ANKRD36B: variants seen among roughly 807,000 people sequenced by gnomAD.
ANKRD36B encodes ankyrin repeat domain-containing protein 36B.
Under a neutral mutation model 135.7 loss-of-function variants are expected in ANKRD36B, and 37 were observed. That is an observed-to-expected ratio of 0.27 (90% CI 0.21 to 0.36). ANKRD36B has a LOEUF of 0.36. ANKRD36B is among the 10% of genes least tolerant of loss of function. The pLI is 1.00. For missense variants in ANKRD36B, 549 were observed against 1,037.1 expected (o/e 0.53, Z 6.46); for synonymous variants, 179 against 348.1 (o/e 0.51, Z 5.41).
chr2:97,565,921 A>G (rs562775323), intron 6 of ANKRD36B, among the ~76,000 whole-genome samples: 320 of 151,796 alleles, frequency 2.1e-3, no homozygotes, highest in Non-Finnish European at 3.4e-3. Context: ...GCTTGTTCCT[A>G]TAATCTCAGC....
At chr2:97,579,832 A>G (rs1294847507) in intron 4 of ANKRD36B, among the ~76,000 whole-genome samples, 1 of 152,080 alleles carries the variant, frequency 6.6e-6, no homozygotes, top group Non-Finnish European at 1.5e-5. Context: ...CATTATATAT[A>G]TATAATGTTA....
chr2:97,564,942 G>T (rs1231860847), intron 6 of ANKRD36B, among the ~76,000 whole-genome samples: 1 of 152,040 alleles, frequency 6.6e-6, no homozygotes, highest in Non-Finnish European at 1.5e-5. Context: ...GTATAGCATT[G>T]AACCTACAAA....
At chr2:97,535,891 G>A (rs1259298877) in intron 34 of ANKRD36B, among the ~76,000 whole-genome samples, 2 of 92,102 alleles carry the variant, frequency 2.2e-5, no homozygotes, top group African/African-American at 6.4e-5. Context: ...CATGGAGAAA[G>A]CCTGTCTCTA....
intron 1 of ANKRD36B, among the ~76,000 whole-genome samples, chr2:97,587,668 C>T (rs981949384): frequency 5.9e-5 from 9 of 152,206 alleles, no homozygotes; most frequent in Non-Finnish European, 7.4e-5. Flanking sequence ...TTTAGTATAA[C>T]GGAATTGATG....
intron 16 of ANKRD36B, among the ~76,000 whole-genome samples, chr2:97,551,734 T>G (rs1359892944): frequency 6.6e-6 from 1 of 151,908 alleles, no homozygotes; most frequent in African/African-American, 2.4e-5. Flanking sequence ...AAATCAAAGG[T>G]TGTCAACATC....
In ANKRD36B at chr2:97,538,518, G is replaced by T. The variant is rs1377414210; in HGVS notation, c.1988-155C>A. 7.2e-5 allele frequency among the ~76,000 whole-genome samples: 7 copies of T among 96,594 alleles called. 2 individuals carry two copies. Among genetic ancestry groups the T allele is most frequent in the Non-Finnish European group, 1.7e-4 (6 of 36,344 alleles). 63.4% of individuals were successfully genotyped at this position (96,594 alleles called of 152,430 possible). A position where few individuals can be genotyped will look rare whatever the true frequency, so the allele number is the denominator to read the frequency against. The stretch of plus-strand genomic sequence containing the variant: ...TGTGTCTTTGGGACAGGAACATGAG[G>T]AAATATGCTGAAGAAAATAGGAATA... On this transcript the variant is annotated intron_variant, in intron 30 of 43. Transcript: ENST00000359901.
rs751045818 is a variant in ANKRD36B, at chr2:97,545,174, T to A, written c.1681+492A>T. Among the ~76,000 whole-genome samples, 178 of 95,764 alleles carry A rather than the reference T, an allele frequency of 1.9e-3. 59 individuals carry two copies. Among genetic ancestry groups the A allele is most frequent in the Non-Finnish European group, 7.3e-4 (26 of 35,696 alleles). The allele number at this position is 95,764 out of a possible 152,430, so 62.8% of individuals were successfully genotyped here. A position where few individuals can be genotyped will look rare whatever the true frequency, so the allele number is the denominator to read the frequency against. ...AGAAATCCCAAATTACATAAATAAC[T>A]TCTTCTTTTCTCTCCTTCCTGACTC... On this transcript the variant is annotated intron_variant, in intron 24 of 43. Coordinates refer to ENST00000359901, the MANE Select transcript of ANKRD36B (RefSeq NM_001393939.1).
At chr2:97,530,179 A>G (rs1180008997) in intron 35 of ANKRD36B, among the ~76,000 whole-genome samples, 1 of 96,304 alleles carries the variant, frequency 1.0e-5, no homozygotes, top group Non-Finnish European at 2.8e-5. Flanking sequence ...AGTAACCAAA[A>G]CAGCATGGTA....
At chr2:97,542,931 T>C (rs2104546652) in intron 26 of ANKRD36B, among the ~76,000 whole-genome samples, 1 of 132,762 alleles carries the variant, frequency 7.5e-6, no homozygotes, top group Middle Eastern at 4.5e-3. Flanking sequence ...AGTTGTTGAA[T>C]TCAACATTAT....
intron 6 of ANKRD36B, among the ~76,000 whole-genome samples, chr2:97,573,051 T>C (rs2081987902): frequency 1.3e-5 from 2 of 151,978 alleles, no homozygotes; most frequent in Non-Finnish European, 2.9e-5. Context: ...CTCCTAATGC[T>C]ATCCCTCCCC....
At chr2:97,574,395 G>A (rs2082091109) in intron 6 of ANKRD36B, among the ~76,000 whole-genome samples, 1 of 152,184 alleles carries the variant, frequency 6.6e-6, no homozygotes, top group Admixed American at 6.5e-5. Context: ...AACAACAGGT[G>A]CTGGAGAGGA....
rs1393822341 is a variant in ANKRD36B at position 97,528,233 on chromosome 2, C to T, written c.2265+4078G>A. ...AGACCACAGTGCAATCAAACTAGAA[C>T]TCAGGATTAAGAAACTCACTAAAAA... On this transcript the variant is annotated intron_variant, in intron 35 of 43. Coordinates refer to ENST00000359901, the MANE Select transcript of ANKRD36B (RefSeq NM_001393939.1). Among the ~76,000 whole-genome samples, 12 of 96,052 alleles carry T rather than the reference C, an allele frequency of 1.2e-4. 4 individuals are homozygous for T. Among genetic ancestry groups the T allele is most frequent in the African/African-American group, 3.7e-4 (12 of 32,002 alleles). The allele number at this position is 96,052 out of a possible 152,430, so 63.0% of individuals were successfully genotyped here.
intron 12 of ANKRD36B, among the ~76,000 whole-genome samples, chr2:97,555,720 A>G (rs2080459978): frequency 6.6e-6 from 1 of 151,904 alleles, no homozygotes; most frequent in Non-Finnish European, 1.5e-5. Context: ...TTACAATGAC[A>G]CTTCAGATGA....
At chr2:97,587,734 G>T (rs1183781276) in intron 1 of ANKRD36B, among the ~76,000 whole-genome samples, 1 of 152,110 alleles carries the variant, frequency 6.6e-6, no homozygotes, top group Non-Finnish European at 1.5e-5. Flanking sequence ...TTGTCTATTT[G>T]AAAAGTCATC....
chr2:97,585,143 G>A, intron 2 of ANKRD36B, 26 bp from the exon 3 acceptor site: 5 of 1,613,748 alleles, frequency 3.1e-6, no homozygotes, highest in Non-Finnish European at 4.2e-6. Flanking sequence ...CGAGAAACAT[G>A]CAAATACTGA....
chr2:97,575,218 G>C (rs1479080466), intron 6 of ANKRD36B, among the ~76,000 whole-genome samples: 1 of 151,982 alleles, frequency 6.6e-6, no homozygotes, highest in Non-Finnish European at 1.5e-5. Context: ...GGGGTGGGGA[G>C]GGAAAGTTGA....
intron 8 of ANKRD36B, 68 bp downstream of exon 8, chr2:97,560,597 T>C (rs1191049224): frequency 6.3e-7 from 1 of 1,585,950 alleles, no homozygotes; most frequent in Middle Eastern, 2.0e-4. Context: ...CCCACTGATT[T>C]ATTTGGGGAA....
chr2:97,539,956 C>G lies in ANKRD36B; in HGVS notation c.1987+78G>C. On this transcript the variant is annotated intron_variant, in intron 30 of 43. Coordinates refer to ENST00000359901, the MANE Select transcript of ANKRD36B (RefSeq NM_001393939.1). ...GGAATGTGCAGCTGCGACGAACCCCCCCGCTGATTTATTTGGGGAAGAGAA... is the reference window on the plus strand; with the variant it reads ...GGAATGTGCAGCTGCGACGAACCCCGCCGCTGATTTATTTGGGGAAGAGAA... 9 of 658,142 alleles carry G rather than the reference C, an allele frequency of 1.4e-5. 4 individuals carry two copies. The highest frequency in any genetic ancestry group is 1.3e-5 in the Non-Finnish European group (5 of 396,762). 40.8% of individuals were successfully genotyped at this position (658,142 alleles called of 1,614,324 possible).
chr2:97,578,949 C>G lies in ANKRD36B; in HGVS notation c.652G>C (p.Gly218Arg), dbSNP rs1197950617. The G allele has an allele frequency of 6.2e-7, 1 of 1,612,824 alleles. No individual in the cohort carries two copies. The highest frequency in any genetic ancestry group is 1.3e-5 in the African/African-American group (1 of 74,878). The part of the protein sequence containing the change: ...NIDVFSRDVY[G>R]KLAEDYASEA... Reference sequence around the variant, plus strand: ...CTGGCATAATCTTCTGCAAGCTTTCCATACACATCTCGAGAAAACACATCA... The same window carrying G: ...CTGGCATAATCTTCTGCAAGCTTTCGATACACATCTCGAGAAAACACATCA... The change falls in exon 5 of 44, where the codon GGA (glycine) becomes CGA (arginine). Residue 218 changes from glycine (G) to arginine (R), a missense_variant. Coordinates refer to ENST00000359901, the MANE Select transcript of ANKRD36B (RefSeq NM_001393939.1).
Sources: allele counts gnomAD v4.1 joint callset (sites outside exome capture counted in the v4.1 genomes callset), GRCh38; gene constraint gnomAD v4.1.1; transcripts MANE v1.5; gene names NCBI Gene and HGNC (gene_info 2026-07-23, HGNC 2026-07-21).